Variants in HCN2 observed in about 807,000 individuals in gnomAD.
HCN2 encodes hyperpolarization activated cyclic nucleotide gated potassium and sodium channel 2, also known as potassium/sodium hyperpolarization-activated cyclic nucleotide-gated channel 2.
In HCN2, 20 loss-of-function variants were observed where a neutral mutation model predicts 52.3. The observed-to-expected ratio is 0.38, with a 90% confidence interval of 0.27 to 0.56. The LOEUF (loss-of-function observed/expected upper bound fraction) is 0.56, where lower values mean the gene tolerates loss of function less well. Among genes scored for constraint, HCN2 ranks in the 20% least tolerant of loss-of-function variants. The pLI is 0.71. For missense variants in HCN2, 981 were observed against 1,207.7 expected, an observed-to-expected ratio of 0.81 and a Z score of 2.78; for synonymous variants, 694 against 537.0, an observed-to-expected ratio of 1.29 and a Z score of -4.04.
In HCN2 at chr19:616,377, C is replaced by T; in HGVS notation, c.2573C>T (p.Ala858Val). The T allele has an allele frequency of 4.1e-6, 5 of 1,228,856 alleles. No homozygotes were observed. The highest frequency in any genetic ancestry group is 5.1e-6 in the Non-Finnish European group (5 of 976,646). 76.1% of individuals were successfully genotyped at this position (1,228,856 alleles called of 1,614,324 possible). A position where few individuals can be genotyped will look rare whatever the true frequency, so the allele number is the denominator to read the frequency against. The change falls in exon 8 of 8, where the codon GCG becomes GTG. Residue 858 changes from alanine to valine, a missense_variant. Coordinates refer to ENST00000251287, the MANE Select transcript of HCN2 (RefSeq NM_001194.4). ...LGPTPAARAAAPSPDRRDSAS... is the reference protein window; with the variant it reads ...LGPTPAARAAVPSPDRRDSAS... ...CCCACGCCCGCTGCCCGGGCCGCCG[C>T]GCCCAGCCCGGACCGCAGGGACTCG... is the stretch of plus-strand genomic sequence containing the variant.
intron 4 of HCN2, among the ~76,000 whole-genome samples, chr19:609,000 CTG>C (rs759325343): frequency 2.0e-5 from 3 of 152,316 alleles, no homozygotes; most frequent in South Asian, 2.1e-4. Context: ...ATGCACCACT[CTG>C]TGCCTCAGTT....
intron 5 of HCN2, among the ~76,000 whole-genome samples, chr19:612,753 C>T (rs1234126250): frequency 7.1e-6 from 1 of 141,528 alleles, no homozygotes; most frequent in Non-Finnish European, 1.5e-5. Context: ...TTTTTTGAGT[C>T]AGGGTCTTGT....
At chr19:593,434 T>A (rs558008481) in intron 1 of HCN2, among the ~76,000 whole-genome samples, 9 of 152,124 alleles carry the variant, frequency 5.9e-5, no homozygotes, top group Middle Eastern at 6.8e-3. Flanking sequence ...CTGGCCAACA[T>A]GGTGAGATGA....
intron 1 of HCN2, among the ~76,000 whole-genome samples, chr19:594,177 C>G (rs1477393962): frequency 6.6e-6 from 1 of 150,772 alleles, no homozygotes; most frequent in East Asian, 2.0e-4. Context: ...CTGAGGAGGT[C>G]GCGTTCTCCG....
intron 1 of HCN2, among the ~76,000 whole-genome samples, chr19:596,321 G>A (rs555037857): frequency 7.9e-5 from 12 of 152,344 alleles, no homozygotes; most frequent in South Asian, 2.1e-4. Flanking sequence ...AGCTCACATC[G>A]GTGTCAGGTG....
rs1299935333 is a variant in HCN2, at chr19:610,309, C to T, written c.1488C>T (p.Phe496=). Residue 496 remains phenylalanine, a synonymous_variant, in exon 5 of 8, where the codon TTC becomes TTT. Transcript: ENST00000251287. ...YMSFHKLPAD[F]RQKIHDYYEH... ...CCTTCCACAAGCTGCCAGCTGACTT[C>T]CGCCAGAAGATCCACGACTACTATG... 6.2e-7 allele frequency: 1 copy of T among 1,613,718 alleles called. No individual in the cohort carries two copies. Among genetic ancestry groups the T allele is most frequent in the Non-Finnish European group, 8.5e-7 (1 of 1,179,840 alleles).
At chr19:608,274 C>T in intron 4 of HCN2, 92 bp downstream of exon 4, 3 of 1,204,092 alleles carry the variant, frequency 2.5e-6, no homozygotes, top group Non-Finnish European at 3.6e-6. Context: ...GCCCTGGGGT[C>T]TGATGGAGGG....
chr19:608,291 G>A, intron 4 of HCN2, 109 bp downstream of exon 4: 2 of 997,032 alleles, frequency 2.0e-6, no homozygotes, highest in South Asian at 1.4e-5. Context: ...AGGGAGGCAG[G>A]CCCGGTCCTG....
chr19:590,583 G>C lies in HCN2; in HGVS notation c.632+6G>C, dbSNP rs764303900. ...CACCCGTACAGCGACTTCAGGTACCGCCTCCGGGAGGGCCGGTCGGCGCGA... is the reference window on the plus strand; with the variant it reads ...CACCCGTACAGCGACTTCAGGTACCCCCTCCGGGAGGGCCGGTCGGCGCGA... On this transcript the variant is annotated splice_donor_region_variant and intron_variant, in intron 1 of 7. Coordinates refer to ENST00000251287, the MANE Select transcript of HCN2 (RefSeq NM_001194.4). This position sits in a 1 kb window ranked among gnomAD's most constrained non-coding sequence, Gnocchi z 7.2. 7 of 1,405,110 alleles carry C rather than the reference G, an allele frequency of 5.0e-6. No homozygotes were observed. The Admixed American group carries it at 7.0e-5, about 14-fold the overall frequency. The allele number at this position is 1,405,110 out of a possible 1,614,324, so 87.0% of individuals were successfully genotyped here. A position where few individuals can be genotyped will look rare whatever the true frequency, so the allele number is the denominator to read the frequency against.
At chr19:604,933 C>T (rs1417171785) in intron 2 of HCN2, 128 bp from the exon 3 acceptor site, 5 of 964,130 alleles carry the variant, frequency 5.2e-6, no homozygotes, top group Middle Eastern at 3.4e-4. Context: ...GGGCGGGGGT[C>T]CTGTGCGGGG....
At position 603,949 on chromosome 19, in the gene HCN2, C is replaced by T. The variant is rs1434843560; in HGVS notation, c.1038C>T (p.Tyr346=). The change falls in exon 2 of 8, where the codon TAC becomes TAT. Residue 346 remains tyrosine, a synonymous_variant. Coordinates refer to ENST00000251287, the MANE Select transcript of HCN2 (RefSeq NM_001194.4). ...TGCGCCTCTCACGCCTGATCCGCTA[C>T]ATCCATCAGTGGGAGGAGGTGAGGT... is the stretch of plus-strand genomic sequence containing the variant. ...RLLRLSRLIR[Y]IHQWEEIFHM... 3.1e-6 allele frequency: 5 copies of T among 1,604,828 alleles called. No individual in the cohort carries two copies. In the South Asian group the frequency reaches 3.3e-5, roughly 11 times the overall value.
Position 616,247 on chromosome 19 carries a change from C to T in HCN2, c.2443C>T (p.Arg815Cys). ...GPALPARRLSRASRPLSASQP... is the reference protein window; with the variant it reads ...GPALPARRLSCASRPLSASQP... ...CGCCCTGCCCGCGCGCCGCCTGAGC[C>T]GCGCGTCGCGCCCACTGTCCGCCTC... Residue 815 changes from arginine to cysteine, a missense_variant, in exon 8 of 8, where the codon CGC becomes TGC. Coordinates refer to ENST00000251287, the MANE Select transcript of HCN2 (RefSeq NM_001194.4). 2.0e-6 allele frequency: 2 copies of T among 1,009,376 alleles called. No individual in the cohort carries two copies. The highest frequency in any genetic ancestry group is 1.7e-5 in the African/African-American group (1 of 57,168). 62.5% of individuals were successfully genotyped at this position (1,009,376 alleles called of 1,614,324 possible). A position where few individuals can be genotyped will look rare whatever the true frequency, so the allele number is the denominator to read the frequency against.
At chr19:604,693 C>A (rs1600526576) in intron 2 of HCN2, among the ~76,000 whole-genome samples, 3 of 59,868 alleles carry the variant, frequency 5.0e-5, no homozygotes, top group Admixed American at 2.3e-4. Context: ...AGGGGCGGGG[C>A]AATGCGGGTT....
chr19:610,237 C>T (rs1983568563), intron 4 of HCN2, 22 bp from the exon 5 acceptor site: 8 of 1,607,388 alleles, frequency 5.0e-6, no homozygotes, highest in Non-Finnish European at 6.8e-6. Flanking sequence ...GTGTCTGACC[C>T]AGCCTCGCCT....
Position 614,021 on chromosome 19 carries a change from G to A in HCN2, c.1990+5G>A. On this transcript the variant is annotated splice_donor_5th_base_variant and intron_variant, in intron 7 of 7. Coordinates refer to ENST00000251287, the MANE Select transcript of HCN2 (RefSeq NM_001194.4). ...TCGACCGCCTGGACCGCATCGGTGA[G>A]CGGGCCGGGGGCGTGGCCGGGGCGG... The A allele has an allele frequency of 1.9e-6, 3 of 1,580,340 alleles. No individual in the cohort carries two copies. Among genetic ancestry groups the A allele is most frequent in the Non-Finnish European group, 2.6e-6 (3 of 1,163,912 alleles).
In HCN2 at chr19:605,093, G is replaced by C; in HGVS notation, c.1089G>C (p.Ala363=). ...IFHMTYDLAS[A]VMRICNLISM... ...ACATGACCTATGACCTGGCCAGCGC[G>C]GTGATGAGGATCTGCAATCTCATCA... Residue 363 remains alanine (A), a synonymous_variant, in exon 3 of 8, where the codon GCG becomes GCC. Transcript: ENST00000251287. The C allele has an allele frequency of 6.2e-7, 1 of 1,611,860 alleles. No individual in the cohort carries two copies. Among genetic ancestry groups the C allele is most frequent in the Non-Finnish European group, 8.5e-7 (1 of 1,179,488 alleles).
chr19:601,453 C>T (rs114774249), intron 1 of HCN2, among the ~76,000 whole-genome samples: 173 of 152,298 alleles, frequency 1.1e-3, no homozygotes, highest in African/African-American at 3.9e-3. Context: ...TTTGTCCCTC[C>T]GTTTGGTGAT....
At chr19:607,640 G>C (rs1347015680) in intron 3 of HCN2, among the ~76,000 whole-genome samples, 1 of 152,188 alleles carries the variant, frequency 6.6e-6, no homozygotes, top group Non-Finnish European at 1.5e-5. Flanking sequence ...ATGCTCCCTG[G>C]AACTTTTGCC....
chr19:605,013 G>C, intron 2 of HCN2, 48 bp from the exon 3 acceptor site: 1 of 1,575,080 alleles, frequency 6.3e-7, no homozygotes, highest in Non-Finnish European at 8.6e-7. Context: ...TCTGAAGGTG[G>C]GGGCCGGGGG....
Sources: allele counts gnomAD v4.1 joint callset (sites outside exome capture counted in the v4.1 genomes callset), GRCh38; gene constraint gnomAD v4.1.1; non-coding constraint Gnocchi (gnomAD v3.1); transcripts MANE v1.5; gene names NCBI Gene and HGNC (gene_info 2026-07-23, HGNC 2026-07-21).